PKNOX2: variants seen among roughly 807,000 people sequenced by gnomAD.
The protein encoded by PKNOX2 is homeobox protein PKNOX2.
In PKNOX2, 14 loss-of-function variants were observed where a neutral mutation model predicts 53.1. The ratio of observed to expected loss-of-function variants is 0.26; its 90% CI spans 0.17 to 0.41. The LOEUF (loss-of-function observed/expected upper bound fraction) is 0.41, where lower values mean the gene tolerates loss of function less well. Among genes scored for constraint, PKNOX2 ranks in the 10% least tolerant of loss-of-function variants. The pLI is 1.00. For synonymous variants in PKNOX2, 257 were observed against 242.8 expected, an observed-to-expected ratio of 1.06 and a Z score of -0.54; for missense variants, 496 against 602.8, an observed-to-expected ratio of 0.82 and a Z score of 1.85.
At chr11:125,351,945 C>G (rs915418629) in intron 4 of PKNOX2, among the ~76,000 whole-genome samples, 4 of 152,158 alleles carry the variant, frequency 2.6e-5, no homozygotes, top group African/African-American at 9.7e-5. Context: ...GCAACCCTTT[C>G]CTTCTGGTCC....
At chr11:125,414,281 C>T (rs933806119) in intron 10 of PKNOX2, among the ~76,000 whole-genome samples, 23 of 152,184 alleles carry the variant, frequency 1.5e-4, no homozygotes, top group African/African-American at 3.1e-4. Context: ...CTTGCCGAAA[C>T]GCATGAGGAG....
rs185467543 is a variant in PKNOX2 at position 125,222,321 on chromosome 11, G to C, written c.-200-12724G>C. Among the ~76,000 whole-genome samples, 54 of 151,992 alleles carry C rather than the reference G, an allele frequency of 3.6e-4. No individual in the cohort carries two copies. In the South Asian group the frequency reaches 7.3e-3, roughly 21 times the overall value. On this transcript the variant is annotated intron_variant, in intron 1 of 12. Coordinates refer to ENST00000298282, the MANE Select transcript of PKNOX2 (RefSeq NM_001382323.2). Reference sequence around the variant, plus strand: ...TTCAACCTTTCTCTGAGGTGCACTGGGGGGATCTTCTCCACACTTTCTTCA... The same window carrying C: ...TTCAACCTTTCTCTGAGGTGCACTGCGGGGATCTTCTCCACACTTTCTTCA...
chr11:125,360,272 C>T (rs1466941982), intron 4 of PKNOX2, among the ~76,000 whole-genome samples: 2 of 151,778 alleles, frequency 1.3e-5, no homozygotes, highest in Admixed American at 1.3e-4. Flanking sequence ...TCATAACAAG[C>T]AAGACTGTAT....
At chr11:125,420,131 G>A (rs1464226786) in intron 10 of PKNOX2, among the ~76,000 whole-genome samples, 2 of 151,342 alleles carry the variant, frequency 1.3e-5, no homozygotes, top group Non-Finnish European at 2.9e-5. Flanking sequence ...AGGCTGCAGT[G>A]AGCCCTGATT....
rs1048950976 is a variant in PKNOX2, at chr11:125,422,931, G to A, written c.937-6081G>A. Among the ~76,000 whole-genome samples, 1 of 152,084 alleles carries A rather than the reference G, an allele frequency of 6.6e-6. No homozygotes were observed. Among genetic ancestry groups the A allele is most frequent in the Non-Finnish European group, 1.5e-5 (1 of 68,012 alleles). On this transcript the variant is annotated intron_variant, in intron 10 of 12. Transcript: ENST00000298282. This position sits in a 1 kb window ranked among gnomAD's most constrained non-coding sequence, Gnocchi z 4.1. ...GGCTTCTTCAGAGACACAGCCACAT[G>A]CGTCAAGCTACAGACTTATTTGTTA...
intron 2 of PKNOX2, among the ~76,000 whole-genome samples, chr11:125,251,950 A>G (rs1944036014): frequency 6.6e-6 from 1 of 151,696 alleles, no homozygotes; most frequent in South Asian, 2.1e-4. Flanking sequence ...ACACCTGTCC[A>G]TTGCCCACTC....
At chr11:125,314,129 G>A (rs1022435478) in intron 2 of PKNOX2, among the ~76,000 whole-genome samples, 1 of 152,230 alleles carries the variant, frequency 6.6e-6, no homozygotes, top group African/African-American at 2.4e-5. Flanking sequence ...GGTATGCAGA[G>A]GAGACCAGCC....
intron 2 of PKNOX2, among the ~76,000 whole-genome samples, chr11:125,279,254 C>T (rs1001759236): frequency 7.2e-5 from 11 of 152,170 alleles, no homozygotes; most frequent in African/African-American, 2.7e-4. Flanking sequence ...CCTCTCAGAA[C>T]TGGGCCGTGG....
chr11:125,309,396 T>TG (rs1948670143), intron 2 of PKNOX2, among the ~76,000 whole-genome samples: 1 of 151,366 alleles, frequency 6.6e-6, no homozygotes, highest in South Asian at 2.1e-4. Context: ...AATTTTTTTT[T>TG]TTTTTTTTTT....
intron 2 of PKNOX2, among the ~76,000 whole-genome samples, chr11:125,302,642 A>G (rs1948153826): frequency 2.0e-5 from 3 of 152,072 alleles, no homozygotes; most frequent in Non-Finnish European, 2.9e-5. Flanking sequence ...GCTGTCCCCA[A>G]TCCCACCCTG....
At chr11:125,257,262 C>T (rs73619497) in intron 2 of PKNOX2, among the ~76,000 whole-genome samples, 7,335 of 152,164 alleles carry the variant, frequency 0.048, 612 homozygotes, top group African/African-American at 0.17. Context: ...TCGCTGTCCC[C>T]GGCTGGCTCA....
At chr11:125,224,500 G>T (rs543060094) in intron 1 of PKNOX2, among the ~76,000 whole-genome samples, 2 of 152,368 alleles carry the variant, frequency 1.3e-5, no homozygotes, top group East Asian at 1.9e-4. Flanking sequence ...CGAGGCCTGT[G>T]CTGTGAACTC....
chr11:125,413,584 T>C (rs1197482186), intron 10 of PKNOX2, among the ~76,000 whole-genome samples: 2 of 152,092 alleles, frequency 1.3e-5, no homozygotes, highest in African/African-American at 2.4e-5. Flanking sequence ...CGATGCAGGG[T>C]CACAGGGGTG....
At chr11:125,221,620 A>T (rs1184625059) in intron 1 of PKNOX2, among the ~76,000 whole-genome samples, 1 of 152,202 alleles carries the variant, frequency 6.6e-6, no homozygotes, top group Non-Finnish European at 1.5e-5. Context: ...AATAAATCAT[A>T]TAGTGCCCTG....
intron 1 of PKNOX2, among the ~76,000 whole-genome samples, chr11:125,214,782 C>G (rs1379401624): frequency 2.6e-5 from 4 of 152,036 alleles, no homozygotes; most frequent in Admixed American, 2.6e-4. Context: ...CTTTTTCTCT[C>G]TCTTCTCTCT....
At chr11:125,321,252 C>G (rs1476251684) in intron 2 of PKNOX2, among the ~76,000 whole-genome samples, 2 of 152,312 alleles carry the variant, frequency 1.3e-5, no homozygotes, top group African/African-American at 4.8e-5. Flanking sequence ...AAATTTCGAA[C>G]AGTAAATAGT....
At chr11:125,424,517 A>G (rs1370961146) in intron 10 of PKNOX2, among the ~76,000 whole-genome samples, 9 of 152,098 alleles carry the variant, frequency 5.9e-5, no homozygotes, top group Non-Finnish European at 1.3e-4. Context: ...GGTGGCTGGC[A>G]GCAGCCCATG....
intron 3 of PKNOX2, among the ~76,000 whole-genome samples, chr11:125,344,874 C>A (rs949223479): frequency 6.6e-6 from 1 of 152,122 alleles, no homozygotes; most frequent in Admixed American, 6.5e-5. Context: ...TCTTAGCTGG[C>A]CTTCAGGACA....
intron 10 of PKNOX2, among the ~76,000 whole-genome samples, chr11:125,427,432 C>T (rs992536518): frequency 4.6e-5 from 7 of 152,140 alleles, no homozygotes; most frequent in Non-Finnish European, 1.0e-4. Context: ...AGAGGCTGCT[C>T]CTCCTTTTCC....
Sources: allele counts gnomAD v4.1 joint callset (sites outside exome capture counted in the v4.1 genomes callset), GRCh38; gene constraint gnomAD v4.1.1; non-coding constraint Gnocchi (gnomAD v3.1); transcripts MANE v1.5; gene names NCBI Gene and HGNC (gene_info 2026-07-23, HGNC 2026-07-21).